The following SHTN1 variants were observed in gnomAD, a reference collection of about 807,000 sequenced individuals.
SHTN1 encodes the protein shootin 1.
SHTN1 carries 42 observed loss-of-function variants against 83.1 expected under a neutral mutation model. The observed-to-expected ratio is 0.51, with a 90% confidence interval of 0.39 to 0.65. SHTN1 has a LOEUF of 0.65. Among genes scored for constraint, SHTN1 ranks in the 30% least tolerant of loss-of-function variants. SHTN1 has a pLI of 0.00. For missense variants in SHTN1, 622 were observed against 737.8 expected, an observed-to-expected ratio of 0.84 and a Z score of 1.82; for synonymous variants, 224 against 247.7, an observed-to-expected ratio of 0.90 and a Z score of 0.90.
chr10:116,981,299 C>T lies in SHTN1; in HGVS notation c.59-1991G>A, dbSNP rs185791384. ...GCACCACAGCACACTCCAACCTGGG[C>T]GACAGAGCGAGACTCTGTCTCAAAA... On this transcript the variant is annotated intron_variant, in intron 1 of 16. Transcript: ENST00000355371. Among the ~76,000 whole-genome samples the T allele has an allele frequency of 3.6e-3, 554 of 152,204 alleles. 8 individuals are homozygous for T. Among genetic ancestry groups the T allele is most frequent in the South Asian group, 0.017 (83 of 4,818 alleles).
At chr10:117,051,038 CAG>C (rs1173697287) in intron 1 of SHTN1, among the ~76,000 whole-genome samples, 1 of 152,038 alleles carries the variant, frequency 6.6e-6, no homozygotes, top group African/African-American at 2.4e-5. Context: ...GTCTGGGTGA[CAG>C]AGTGAGATCC....
intron 11 of SHTN1, among the ~76,000 whole-genome samples, chr10:116,924,553 AC>A (rs1327846585): frequency 6.6e-6 from 1 of 152,034 alleles, no homozygotes; most frequent in Non-Finnish European, 1.5e-5. Flanking sequence ...ATTAAAACCA[AC>A]AGTCAAGATG....
In SHTN1 at chr10:117,065,704, CGAGA is replaced by C. The variant is rs61337046; in HGVS notation, c.-188-17198_-188-17195del. ...CTGCAGTCTAGCCTGGGCAACAAAG[CGAGA>C]GAGAGAGAGAGAGAGAGATGAAAGA... On this transcript the variant is annotated intron_variant, in intron 1 of 17. Transcript: ENST00000392901. Among the ~76,000 whole-genome samples, 86 of 79,548 alleles carry C rather than the reference CGAGA, an allele frequency of 1.1e-3. 5 individuals carry two copies. The highest frequency in any genetic ancestry group is 2.9e-3 in the African/African-American group (56 of 19,084). The allele number at this position is 79,548 out of a possible 152,430, so 52.2% of individuals were successfully genotyped here. A position where few individuals can be genotyped will look rare whatever the true frequency, so the allele number is the denominator to read the frequency against.
At chr10:116,949,588 A>T (rs547694597) in intron 6 of SHTN1, among the ~76,000 whole-genome samples, 8 of 152,368 alleles carry the variant, frequency 5.3e-5, no homozygotes, top group South Asian at 2.1e-4. Context: ...TGGGTGCAGC[A>T]CACCAACATG....
intron 7 of SHTN1, among the ~76,000 whole-genome samples, chr10:116,946,613 A>G (rs1256958020): frequency 3.1e-5 from 3 of 97,414 alleles, no homozygotes; most frequent in African/African-American, 8.7e-5. Flanking sequence ...TGATTTATAT[A>G]TAAATATATA....
chr10:116,995,805 C>T (rs1193198843), intron 1 of SHTN1, among the ~76,000 whole-genome samples: 2 of 152,082 alleles, frequency 1.3e-5, no homozygotes, highest in South Asian at 2.1e-4. Context: ...ATACTGGCCT[C>T]GTACCTTGAA....
At chr10:117,017,252 G>A (rs948940831) in intron 2 of SHTN1, among the ~76,000 whole-genome samples, 1 of 152,186 alleles carries the variant, frequency 6.6e-6, no homozygotes, top group Non-Finnish European at 1.5e-5. Context: ...AGCACTTTGG[G>A]AGGCCGAGGA....
intron 1 of SHTN1, among the ~76,000 whole-genome samples, chr10:116,999,089 A>C (rs1401999394): frequency 6.6e-6 from 1 of 152,142 alleles, no homozygotes; most frequent in African/African-American, 2.4e-5. Flanking sequence ...TTGGCCTCCC[A>C]AAGTGCTGGG....
chr10:116,988,620 C>T (rs1009901572), intron 1 of SHTN1, among the ~76,000 whole-genome samples: 1 of 151,702 alleles, frequency 6.6e-6, no homozygotes, highest in African/African-American at 2.4e-5. Flanking sequence ...ATGATTATAG[C>T]TCAATGTAAC....
At chr10:116,896,323 T>G (rs1314095183) in intron 16 of SHTN1, among the ~76,000 whole-genome samples, 1 of 152,208 alleles carries the variant, frequency 6.6e-6, no homozygotes, top group Non-Finnish European at 1.5e-5. Flanking sequence ...TCTTATTTAT[T>G]GCTTGACTTA....
intron 1 of SHTN1, among the ~76,000 whole-genome samples, chr10:117,084,999 G>C (rs560489113): frequency 1.3e-5 from 2 of 152,116 alleles, no homozygotes; most frequent in African/African-American, 4.8e-5. Context: ...CCCGTCTTCT[G>C]GGTCGCTCAG....
chr10:117,065,829 GA>G, intron 1 of SHTN1, among the ~76,000 whole-genome samples: 1 of 85,818 alleles, frequency 1.2e-5, no homozygotes, highest in East Asian at 6.0e-4. Context: ...AGGAAGGAAG[GA>G]AGGAAGGAAG....
Position 116,979,256 on chromosome 10 carries a change from C to T in SHTN1, c.111G>A (p.Lys37=). Residue 37 remains lysine (K), a splice_region_variant and synonymous_variant, in exon 2 of 17, where the codon AAG becomes AAA. Coordinates refer to ENST00000355371, the MANE Select transcript of SHTN1 (RefSeq NM_001127211.3). ...LRAENQKTKE[K]CDKIRQERDE... ...GGGAAAAAAAAGGTAAAGTACAAAC[C>T]TTCTCCTTTGTTTTCTGGTTCTCTG... The T allele has an allele frequency of 6.2e-7, 1 of 1,613,408 alleles. No individual in the cohort carries two copies. Among genetic ancestry groups the T allele is most frequent in the Non-Finnish European group, 8.5e-7 (1 of 1,179,394 alleles).
chr10:117,042,999 G>A (rs1589908619), intron 2 of SHTN1, among the ~76,000 whole-genome samples: 3 of 152,016 alleles, frequency 2.0e-5, no homozygotes. Flanking sequence ...TGTAAGAACA[G>A]GTCATTGAAA....
chr10:117,030,257 G>A (rs982629411), intron 2 of SHTN1, among the ~76,000 whole-genome samples: 5 of 152,156 alleles, frequency 3.3e-5, no homozygotes, highest in African/African-American at 1.2e-4. Context: ...AACCAATAAT[G>A]TGGTATCTCT....
chr10:116,978,590 A>G (rs1228570392), intron 2 of SHTN1, among the ~76,000 whole-genome samples: 1 of 151,028 alleles, frequency 6.6e-6, no homozygotes, highest in Non-Finnish European at 1.5e-5. Flanking sequence ...TAAATTTACA[A>G]GAAATATATA....
chr10:117,052,640 G>A (rs1407029145), intron 1 of SHTN1, among the ~76,000 whole-genome samples: 1 of 152,052 alleles, frequency 6.6e-6, no homozygotes, highest in East Asian at 1.9e-4. Flanking sequence ...ATAGTCAAGT[G>A]ATTTTTGACA....
intron 2 of SHTN1, among the ~76,000 whole-genome samples, chr10:117,033,144 A>G (rs1697315897): frequency 6.6e-6 from 1 of 152,158 alleles, no homozygotes; most frequent in Non-Finnish European, 1.5e-5. Context: ...GAAAAGCAAG[A>G]GCAAACCAAA....
intron 1 of SHTN1, among the ~76,000 whole-genome samples, chr10:117,102,880 C>T (rs938093492): frequency 2.0e-5 from 3 of 152,084 alleles, no homozygotes; most frequent in African/African-American, 7.2e-5. Context: ...ACTACTGGCC[C>T]GGCATCTTTA....
Sources: gnomAD v4.1 joint callset for allele counts (sites outside exome capture counted in the v4.1 genomes callset) on GRCh38, gnomAD v4.1.1 for gene constraint, MANE v1.5 for transcripts, NCBI Gene and HGNC (gene_info 2026-07-23, HGNC 2026-07-21) for gene names.